Variants in TANC2 observed in about 807,000 individuals in gnomAD.
TANC2 encodes protein TANC2.
In TANC2, 26 loss-of-function variants were observed where a neutral mutation model predicts 210.5. That is an observed-to-expected ratio of 0.12 (90% CI 0.09 to 0.17). The LOEUF (loss-of-function observed/expected upper bound fraction) is 0.17. TANC2 is among the 10% of genes least tolerant of loss of function. The pLI is 1.00. For missense variants in TANC2, 2,129 were observed against 2,608.9 expected (o/e 0.82, Z 4.01); for synonymous variants, 931 against 967.1 (o/e 0.96, Z 0.69).
chr17:63,406,519 C>A (rs2048512785), intron 21 of TANC2, among the ~76,000 whole-genome samples: 1 of 152,138 alleles, frequency 6.6e-6, no homozygotes, highest in South Asian at 2.1e-4. Context: ...TCATTCAGAT[C>A]AGTAGTCTCC....
intron 2 of TANC2, among the ~76,000 whole-genome samples, chr17:63,056,376 T>C (rs1463945644): frequency 6.6e-6 from 1 of 152,046 alleles, no homozygotes; most frequent in East Asian, 1.9e-4. Context: ...TATTTCTGAT[T>C]CATTTTTTAA....
At position 63,307,939 on chromosome 17, in the gene TANC2, G is replaced by C. The variant is rs546604493; in HGVS notation, c.1160-6449G>C. On this transcript the variant is annotated intron_variant, in intron 9 of 27. Transcript: ENST00000689528. ...CGCTGCCATGCCCAGCTAATTTTTT[G>C]TATTTTTAGTAGAGACGGGGTTTCA... Among the ~76,000 whole-genome samples, 625 of 152,166 alleles carry C rather than the reference G, an allele frequency of 4.1e-3. 4 individuals are homozygous for C. The highest frequency in any genetic ancestry group is 7.3e-3 in the Admixed American group (111 of 15,272).
At chr17:63,358,306 G>A (rs114533305) in intron 14 of TANC2, among the ~76,000 whole-genome samples, 122 of 151,102 alleles carry the variant, frequency 8.1e-4, no homozygotes, top group Middle Eastern at 3.5e-3. Flanking sequence ...TAGATGTATC[G>A]TTGTCTCATT....
chr17:63,088,547 A>G (rs528990686), intron 3 of TANC2: 1 of 152,298 alleles, frequency 6.6e-6, no homozygotes, highest in Admixed American at 6.5e-5. Context: ...GCTTTTTCCC[A>G]GTCAGTGCTG....
intron 16 of TANC2, 82 bp from the exon 17 acceptor site, chr17:63,389,226 A>G (rs936890398): frequency 1.9e-6 from 2 of 1,043,268 alleles, no homozygotes; most frequent in Non-Finnish European, 2.8e-6. Context: ...CTGTTGTAGA[A>G]TGTTAGATGG....
intron 4 of TANC2, among the ~76,000 whole-genome samples, chr17:63,132,607 T>C (rs1159115266): frequency 1.3e-5 from 2 of 152,222 alleles, no homozygotes. Context: ...GTCTCAGGAA[T>C]TAATCATCTT....
chr17:63,079,162 AAG>A (rs2036677294), intron 3 of TANC2, among the ~76,000 whole-genome samples: 2 of 152,180 alleles, frequency 1.3e-5, no homozygotes, highest in Non-Finnish European at 2.9e-5. Flanking sequence ...AGAAAGGTAA[AAG>A]AAGAAAAAGC....
chr17:63,361,791 A>G (rs1216817546), intron 14 of TANC2, among the ~76,000 whole-genome samples: 2 of 152,252 alleles, frequency 1.3e-5, no homozygotes, highest in Non-Finnish European at 2.9e-5. Flanking sequence ...GTTCATGGAC[A>G]ACTGGAGAGT....
intron 2 of TANC2, among the ~76,000 whole-genome samples, chr17:63,037,770 T>C (rs1162137655): frequency 1.3e-5 from 2 of 152,130 alleles, no homozygotes; most frequent in Non-Finnish European, 2.9e-5. Flanking sequence ...GCCAAGATTG[T>C]GCCACTGTGT....
At chr17:63,052,934 A>G (rs2035633632) in intron 2 of TANC2, among the ~76,000 whole-genome samples, 1 of 152,230 alleles carries the variant, frequency 6.6e-6, no homozygotes, top group Admixed American at 6.5e-5. Flanking sequence ...CAGTCATTTA[A>G]AAATGTATAA....
chr17:63,106,422 AATTATT>A (rs1245319714), intron 4 of TANC2, among the ~76,000 whole-genome samples: 1 of 151,572 alleles, frequency 6.6e-6, no homozygotes, highest in East Asian at 1.9e-4. Context: ...GTGGATGGAA[AATTATT>A]AAGAGGAAGC....
intron 4 of TANC2, 134 bp downstream of exon 4, chr17:63,099,491 A>T: frequency 2.3e-6 from 1 of 439,056 alleles, no homozygotes; most frequent in Non-Finnish European, 3.4e-6. Flanking sequence ...GACTCTTGAC[A>T]CTAAAAAAAA....
At chr17:63,028,744 A>G (rs1410620487) in intron 2 of TANC2, among the ~76,000 whole-genome samples, 1 of 152,052 alleles carries the variant, frequency 6.6e-6, no homozygotes, top group Non-Finnish European at 1.5e-5. Context: ...CCAAAGTTAC[A>G]TGTTTTGGGG....
chr17:63,303,629 T>G (rs1456732853), intron 9 of TANC2, among the ~76,000 whole-genome samples: 1 of 152,204 alleles, frequency 6.6e-6, no homozygotes, highest in African/African-American at 2.4e-5. Context: ...TTCTTGAATT[T>G]GAATGTTGGC....
intron 1 of TANC2, among the ~76,000 whole-genome samples, chr17:62,980,074 T>C (rs1341711414): frequency 6.6e-6 from 1 of 152,220 alleles, no homozygotes; most frequent in East Asian, 1.9e-4. Flanking sequence ...CCTCTGTGCC[T>C]TTTAGAGTTT....
chr17:63,021,305 T>C (rs2034338351), intron 2 of TANC2, among the ~76,000 whole-genome samples: 2 of 152,232 alleles, frequency 1.3e-5, no homozygotes, highest in Non-Finnish European at 2.9e-5. Context: ...CCAGAAGTCA[T>C]GTTGAGGCAT....
chr17:63,092,277 A>G (rs2037226275), intron 3 of TANC2, among the ~76,000 whole-genome samples: 1 of 152,076 alleles, frequency 6.6e-6, no homozygotes, highest in South Asian at 2.1e-4. Flanking sequence ...TGGTAGGTTT[A>G]CTTACAAACT....
At chr17:63,032,274 G>C (rs1276542252) in intron 2 of TANC2, among the ~76,000 whole-genome samples, 1 of 152,080 alleles carries the variant, frequency 6.6e-6, no homozygotes, top group Non-Finnish European at 1.5e-5. Flanking sequence ...GTCTTATTTA[G>C]GTCTGGTGTC....
chr17:63,131,593 A>G (rs1247694998), intron 4 of TANC2, among the ~76,000 whole-genome samples: 3 of 152,126 alleles, frequency 2.0e-5, no homozygotes, highest in Middle Eastern at 3.4e-3. Context: ...TGCTTTCATC[A>G]CAAGACTGAT....
Sources: gnomAD v4.1 joint callset for allele counts (sites outside exome capture counted in the v4.1 genomes callset) on GRCh38, gnomAD v4.1.1 for gene constraint, MANE v1.5 for transcripts, NCBI Gene and HGNC (gene_info 2026-07-23, HGNC 2026-07-21) for gene names.